HECW2: variants seen among roughly 807,000 people sequenced by gnomAD.
The protein encoded by HECW2 is E3 ubiquitin-protein ligase HECW2.
HECW2 carries 61 observed loss-of-function variants against 175.2 expected under a neutral mutation model. That is an observed-to-expected ratio of 0.35 (90% CI 0.28 to 0.43). The LOEUF is 0.43. HECW2 is among the 20% of genes least tolerant of loss of function. The pLI, the probability that HECW2 is intolerant of heterozygous loss-of-function variation, is 1.00. For synonymous variants in HECW2, 671 were observed against 731.0 expected (o/e 0.92, Z 1.32); for missense variants, 1,524 against 2,000.5 (o/e 0.76, Z 4.54).
At chr2:196,317,056 A>G (rs898480850) in intron 10 of HECW2, 1 of 490,854 alleles carries the variant, frequency 2.0e-6, no homozygotes, top group Non-Finnish European at 3.7e-6. Flanking sequence ...CATGGGCAAC[A>G]CAGGATTTAC....
chr2:196,373,974 G>A (rs535366827), intron 2 of HECW2, among the ~76,000 whole-genome samples: 10 of 151,392 alleles, frequency 6.6e-5, no homozygotes, highest in African/African-American at 2.4e-4. Context: ...GGAGCTTGCA[G>A]TGAGCCGAGA....
rs201916150 is a variant in HECW2, at chr2:196,460,776, A to ATTT, written c.-35-27321_-35-27319dup. Reference sequence around the variant, plus strand: ...CAAGCATGCATCACCACACCTGGCAATTTTTTTTTTTTTTTTTTTTTTTTT... The same window carrying ATTT: ...CAAGCATGCATCACCACACCTGGCAATTTTTTTTTTTTTTTTTTTTTTTTTTTT... On this transcript the variant is annotated intron_variant, in intron 1 of 28. Coordinates refer to ENST00000644978, the MANE Select transcript of HECW2 (RefSeq NM_001348768.2). Among the ~76,000 whole-genome samples the ATTT allele has an allele frequency of 8.0e-4, 93 of 116,138 alleles. 3 individuals carry two copies. The highest frequency in any genetic ancestry group is 1.5e-3 in the Non-Finnish European group (79 of 54,070). The allele number at this position is 116,138 out of a possible 152,430, so 76.2% of individuals were successfully genotyped here. A position where few individuals can be genotyped will look rare whatever the true frequency, so the allele number is the denominator to read the frequency against.
chr2:196,556,584 T>C (rs373937184), intron 1 of HECW2, among the ~76,000 whole-genome samples: 8 of 152,326 alleles, frequency 5.3e-5, no homozygotes, highest in African/African-American at 1.9e-4. Context: ...CTTATTAAGG[T>C]CAATTTCCTA....
intron 1 of HECW2, among the ~76,000 whole-genome samples, chr2:196,471,850 A>C (rs116515944): frequency 0.02 from 3,088 of 152,236 alleles, 106 homozygotes; most frequent in African/African-American, 0.069. Flanking sequence ...AGGATCAGAA[A>C]AAACAACTAC....
chr2:196,436,429 C>T (rs1418861940), intron 1 of HECW2, among the ~76,000 whole-genome samples: 1 of 146,848 alleles, frequency 6.8e-6, no homozygotes, highest in Non-Finnish European at 1.5e-5. Context: ...AAAGTTGAAA[C>T]TCAACTTCAT....
intron 2 of HECW2, among the ~76,000 whole-genome samples, chr2:196,372,001 C>A (rs944520358): frequency 6.6e-6 from 1 of 152,098 alleles, no homozygotes; most frequent in East Asian, 1.9e-4. Context: ...TTTTATTTTT[C>A]TTTTAATTTT....
chr2:196,267,891 G>A lies in HECW2; in HGVS notation c.3335+3302C>T, dbSNP rs528232827. On this transcript the variant is annotated intron_variant, in intron 17 of 28. Coordinates refer to ENST00000644978, the MANE Select transcript of HECW2 (RefSeq NM_001348768.2). ...TATTTATCTTAAGTGGTGTGCCACA[G>A]ATGAGAAAGGACATATGCCAAGCTA... is the stretch of plus-strand genomic sequence containing the variant. Among the ~76,000 whole-genome samples the A allele has an allele frequency of 5.3e-5, 8 of 152,352 alleles. No individual in the cohort carries two copies. In the East Asian group the frequency reaches 1.5e-3, roughly 29 times the overall value.
At chr2:196,419,697 T>C (rs1461949114) in intron 2 of HECW2, among the ~76,000 whole-genome samples, 3 of 152,232 alleles carry the variant, frequency 2.0e-5, no homozygotes, top group Admixed American at 6.5e-5. Context: ...CAAATGTTTG[T>C]TGGGGATGTG....
intron 1 of HECW2, among the ~76,000 whole-genome samples, chr2:196,520,814 A>C (rs1291290670): frequency 6.6e-6 from 1 of 152,226 alleles, no homozygotes; most frequent in African/African-American, 2.4e-5. Context: ...GAGGGGATTC[A>C]ATTTAGTTAA....
intron 22 of HECW2, among the ~76,000 whole-genome samples, chr2:196,227,797 G>C (rs1217473729): frequency 6.6e-6 from 1 of 152,078 alleles, no homozygotes; most frequent in Non-Finnish European, 1.5e-5. Context: ...AGGAATATAG[G>C]GATCTCACCA....
chr2:196,331,545 A>G (rs1692359808), intron 4 of HECW2, among the ~76,000 whole-genome samples: 1 of 152,240 alleles, frequency 6.6e-6, no homozygotes, highest in South Asian at 2.1e-4. Context: ...TTTGTGCTAA[A>G]TGAGTTTAAT....
chr2:196,494,356 T>C (rs1687305462), intron 1 of HECW2, among the ~76,000 whole-genome samples: 1 of 152,158 alleles, frequency 6.6e-6, no homozygotes, highest in Admixed American at 6.5e-5. Flanking sequence ...CTAGTAGCAT[T>C]GTGGAGGATG....
At chr2:196,499,836 G>A (rs1243435179) in intron 1 of HECW2, among the ~76,000 whole-genome samples, 2 of 152,144 alleles carry the variant, frequency 1.3e-5, no homozygotes, top group Non-Finnish European at 2.9e-5. Flanking sequence ...CTTCCAGAAA[G>A]TTCTTTTCCT....
rs140221554 is a variant in HECW2 at position 196,538,100 on chromosome 2, C to G, written c.-36+55408G>C. ...TACTCAACAGAAAGACGAAGGAGTC[C>G]GACAGAGACAGTCAAGTACCTGCAT... On this transcript the variant is annotated intron_variant, in intron 1 of 28. Coordinates refer to ENST00000644978, the MANE Select transcript of HECW2 (RefSeq NM_001348768.2). Among the ~76,000 whole-genome samples the G allele has an allele frequency of 3.3e-5, 5 of 152,160 alleles. No individual in the cohort carries two copies. The South Asian group carries it at 1.0e-3, about 32-fold the overall frequency.
chr2:196,413,977 C>T (rs1695186445), intron 2 of HECW2, among the ~76,000 whole-genome samples: 1 of 152,188 alleles, frequency 6.6e-6, no homozygotes, highest in South Asian at 2.1e-4. Context: ...CAGGTTCTGC[C>T]TTCGTTGTGT....
At chr2:196,241,035 C>A (rs1483436874) in intron 20 of HECW2, among the ~76,000 whole-genome samples, 1 of 152,104 alleles carries the variant, frequency 6.6e-6, no homozygotes, top group African/African-American at 2.4e-5. Context: ...TCTCAATATC[C>A]TCCAAAGCAG....
chr2:196,353,872 T>C (rs967576216), intron 2 of HECW2, among the ~76,000 whole-genome samples: 2 of 152,192 alleles, frequency 1.3e-5, no homozygotes, highest in African/African-American at 4.8e-5. Flanking sequence ...CTTAGGGTGA[T>C]AGATGACCTG....
chr2:196,273,519 C>A (rs1392756569), intron 16 of HECW2, among the ~76,000 whole-genome samples: 1 of 152,274 alleles, frequency 6.6e-6, no homozygotes, highest in South Asian at 2.1e-4. Context: ...TCAGGCCTTT[C>A]TCCCACACTC....
rs543431402 is a variant in HECW2, at chr2:196,312,169, T to C, written c.2435-4084A>G. 4.0e-5 allele frequency among the ~76,000 whole-genome samples: 6 copies of C among 150,182 alleles called. No individual in the cohort carries two copies. The South Asian group carries it at 1.3e-3, about 31-fold the overall frequency. On this transcript the variant is annotated intron_variant, in intron 10 of 28. Transcript: ENST00000644978. ...CCACTTGGCTTATGATCGGATGAGG[T>C]GTGAATACATCTCAGTGGATGCTGA... is the stretch of plus-strand genomic sequence containing the variant.
Sources: allele counts gnomAD v4.1 joint callset (sites outside exome capture counted in the v4.1 genomes callset), GRCh38; gene constraint gnomAD v4.1.1; transcripts MANE v1.5; gene names NCBI Gene and HGNC (gene_info 2026-07-23, HGNC 2026-07-21).